The following PTPRC variants were observed in gnomAD, a reference collection of about 807,000 sequenced individuals.
The protein encoded by PTPRC is protein tyrosine phosphatase receptor type C.
PTPRC carries 44 observed loss-of-function variants against 155.9 expected under a neutral mutation model. The observed-to-expected ratio is 0.28, with a 90% CI of 0.22 to 0.36. PTPRC has a LOEUF of 0.36. Among genes scored for constraint, PTPRC ranks in the 10% least tolerant of loss-of-function variants. The pLI is 1.00. For missense variants in PTPRC, 1,401 were observed against 1,564.6 expected (o/e 0.90, Z 1.76); for synonymous variants, 525 against 533.1 (o/e 0.98, Z 0.21).
chr1:198,642,957 T>TTTCC (rs1662711053), intron 2 of PTPRC, among the ~76,000 whole-genome samples: 1 of 150,386 alleles, frequency 6.6e-6, no homozygotes, highest in African/African-American at 2.4e-5. Context: ...TCTTTCTTTC[T>TTTCC]TTCTTTCTTT....
At chr1:198,671,199 C>T (rs1279308014) in intron 2 of PTPRC, among the ~76,000 whole-genome samples, 2 of 152,044 alleles carry the variant, frequency 1.3e-5, no homozygotes, top group Non-Finnish European at 2.9e-5. Flanking sequence ...GCTTGTTCTC[C>T]CAGCACACCA....
At chr1:198,648,432 C>G (rs1452421036) in intron 2 of PTPRC, among the ~76,000 whole-genome samples, 2 of 151,518 alleles carry the variant, frequency 1.3e-5, no homozygotes, top group African/African-American at 4.8e-5. Context: ...TCTAGATAGA[C>G]CAGATTCTAG....
intron 2 of PTPRC, chr1:198,679,976 G>C: frequency 1.6e-6 from 1 of 622,856 alleles, no homozygotes; most frequent in Admixed American, 2.5e-5. Flanking sequence ...TGCAGCGAGT[G>C]CTGCGGCTGC....
intron 2 of PTPRC, among the ~76,000 whole-genome samples, chr1:198,645,562 G>A (rs1571774452): frequency 6.6e-6 from 1 of 151,674 alleles, no homozygotes; most frequent in Non-Finnish European, 1.5e-5. Context: ...AGCATTAAAA[G>A]TTATAATATT....
intron 23 of PTPRC, 120 bp downstream of exon 23, chr1:198,735,372 A>C: frequency 1.0e-6 from 1 of 965,922 alleles, no homozygotes; most frequent in Non-Finnish European, 1.5e-6. Flanking sequence ...AACCTTTAGG[A>C]TGAAAGCTGT....
chr1:198,743,067 C>CAAAAAAAAAAAAAAA (rs10628640), intron 25 of PTPRC, among the ~76,000 whole-genome samples: 1 of 75,950 alleles, frequency 1.3e-5, no homozygotes, highest in Non-Finnish European at 2.5e-5. Context: ...GTCAAAATAG[C>CAAAAAAAAAAAAAAA]AAAAAAAAAA....
At chr1:198,666,455 C>A (rs1039500339) in intron 2 of PTPRC, among the ~76,000 whole-genome samples, 3 of 151,908 alleles carry the variant, frequency 2.0e-5, no homozygotes, top group African/African-American at 7.3e-5. Flanking sequence ...ACCCATTTAT[C>A]TTATAAAGAA....
Position 198,672,425 on chromosome 1 carries a change from T to C in PTPRC, c.74-19922T>C, listed in dbSNP as rs139923773. ...TGTTTACTCTGTTCGAGTTCCTTTT[T>C]TTTCTGTTAGTTGTAGCTGAAACCA... On this transcript the variant is annotated intron_variant, in intron 2 of 32. Coordinates refer to ENST00000442510, the MANE Select transcript of PTPRC (RefSeq NM_002838.5). 1.4e-4 allele frequency among the ~76,000 whole-genome samples: 22 copies of C among 152,254 alleles called. No individual in the cohort carries two copies. The East Asian group carries it at 4.2e-3, about 29-fold the overall frequency.
At chr1:198,671,463 G>A (rs772498199) in intron 2 of PTPRC, among the ~76,000 whole-genome samples, 2 of 152,130 alleles carry the variant, frequency 1.3e-5, no homozygotes, top group Non-Finnish European at 2.9e-5. Flanking sequence ...ACCTATTGGT[G>A]TTGGTATGTA....
Position 198,756,634 on chromosome 1 carries a change from T to A in PTPRC, c.*453T>A, listed in dbSNP as rs1363039051. 1.2e-5 allele frequency: 2 copies of A among 169,906 alleles called. No homozygotes were observed. The highest frequency in any genetic ancestry group is 1.1e-4 in the Admixed American group (2 of 17,440). The allele number at this position is 169,906 out of a possible 1,614,324, so 10.5% of individuals were successfully genotyped here. A position where few individuals can be genotyped will look rare whatever the true frequency, so the allele number is the denominator to read the frequency against. ...TGTGTGCAGACTCAATAAAATCATG[T>A]ACATTTCTGAAATGACCTCAAGATG... On this transcript the variant is annotated 3_prime_UTR_variant, in exon 33 of 33. Transcript: ENST00000442510.
At chr1:198,694,514 T>G in intron 3 of PTPRC, 4 of 996,966 alleles carry the variant, frequency 4.0e-6, no homozygotes, top group Non-Finnish European at 4.8e-6. Context: ...TCTAGTCTGT[T>G]TGTAATTCAC....
chr1:198,707,905 TAAA>T (rs1229223985), intron 9 of PTPRC, among the ~76,000 whole-genome samples: 1 of 152,216 alleles, frequency 6.6e-6, no homozygotes, highest in Non-Finnish European at 1.5e-5. Flanking sequence ...GTATAACTTA[TAAA>T]TGAAACACTA....
At chr1:198,658,206 T>C (rs554573328) in intron 2 of PTPRC, among the ~76,000 whole-genome samples, 2 of 152,322 alleles carry the variant, frequency 1.3e-5, no homozygotes, top group South Asian at 4.1e-4. Context: ...CAGAGTAGCC[T>C]TTAAATACAT....
chr1:198,743,232 CTGTT>C (rs1558035329), intron 25 of PTPRC, among the ~76,000 whole-genome samples: 1 of 151,652 alleles, frequency 6.6e-6, no homozygotes, highest in Admixed American at 6.6e-5. Context: ...TTGTGTCTGT[CTGTT>C]TGGAGAGATG....
intron 2 of PTPRC, among the ~76,000 whole-genome samples, chr1:198,664,456 A>C (rs1374312982): frequency 6.6e-6 from 1 of 152,108 alleles, no homozygotes; most frequent in African/African-American, 2.4e-5. Context: ...AGTTTGTAGC[A>C]ATCTTATTGT....
At chr1:198,714,485 A>T (rs561747519) in intron 12 of PTPRC, among the ~76,000 whole-genome samples, 1 of 152,288 alleles carries the variant, frequency 6.6e-6, no homozygotes, top group African/African-American at 2.4e-5. Flanking sequence ...CTGTCCACAT[A>T]GAACACTTAA....
chr1:198,701,348 A>T (rs1032949210), intron 5 of PTPRC, among the ~76,000 whole-genome samples: 3 of 152,316 alleles, frequency 2.0e-5, no homozygotes, highest in Admixed American at 2.0e-4. Flanking sequence ...ACGTGCATGC[A>T]TGTATCACTG....
intron 3 of PTPRC, chr1:198,694,372 T>C (rs1666092170): frequency 9.5e-7 from 1 of 1,052,458 alleles, no homozygotes; most frequent in Non-Finnish European, 1.3e-6. Context: ...CTGACTCAAA[T>C]GTTAATCTCC....
chr1:198,698,816 G>A (rs1666329264), intron 4 of PTPRC, among the ~76,000 whole-genome samples: 1 of 151,772 alleles, frequency 6.6e-6, no homozygotes, highest in African/African-American at 2.4e-5. Context: ...TATATAAAAT[G>A]TATACTTTAT....
Sources: allele counts gnomAD v4.1 joint callset (sites outside exome capture counted in the v4.1 genomes callset), GRCh38; gene constraint gnomAD v4.1.1; transcripts MANE v1.5; gene names NCBI Gene and HGNC (gene_info 2026-07-23, HGNC 2026-07-21).